The following METTL15 variants were observed in gnomAD, a reference collection of about 807,000 sequenced individuals.
METTL15 encodes the protein 12S rRNA N(4)-cytidine methyltransferase METTL15.
A neutral mutation model predicts 38.3 loss-of-function variants in METTL15; 34 were observed. The observed-to-expected ratio is 0.89, with a 90% CI of 0.68 to 1.18. The LOEUF (loss-of-function observed/expected upper bound fraction) is 1.18, where lower values mean the gene tolerates loss of function less well. Ranked by LOEUF, METTL15 falls within the 50% of genes most tolerant of loss-of-function variation. METTL15 has a pLI of 0.00. For synonymous variants in METTL15, 162 were observed against 170.9 expected (o/e 0.95, Z 0.41); for missense variants, 438 against 498.4 (o/e 0.88, Z 1.15).
At chr11:28,399,562 A>G (rs1021591956) in intron 5 of METTL15, among the ~76,000 whole-genome samples, 5 of 151,928 alleles carry the variant, frequency 3.3e-5, no homozygotes, top group Non-Finnish European at 7.4e-5. Flanking sequence ...ATATTAGAAT[A>G]TTAGCTAATT....
intron 4 of METTL15, among the ~76,000 whole-genome samples, chr11:28,358,013 G>T (rs1459308519): frequency 6.6e-6 from 1 of 152,020 alleles, no homozygotes; most frequent in Non-Finnish European, 1.5e-5. Context: ...TTTAAATAAG[G>T]TTTAAATCTG....
chr11:28,473,973 TC>T (rs1208216057), intron 6 of METTL15, among the ~76,000 whole-genome samples: 1 of 151,992 alleles, frequency 6.6e-6, no homozygotes, highest in African/African-American at 2.4e-5. Flanking sequence ...TATTTCCTCT[TC>T]ATGCTTCTAT....
chr11:28,196,956 A>G (rs1851931804), intron 3 of METTL15, among the ~76,000 whole-genome samples: 1 of 151,978 alleles, frequency 6.6e-6, no homozygotes, highest in Non-Finnish European at 1.5e-5. Flanking sequence ...ATAAAATTTT[A>G]AAGAGCAATA....
At chr11:28,254,442 A>C (rs1231560221) in intron 4 of METTL15, among the ~76,000 whole-genome samples, 1 of 151,964 alleles carries the variant, frequency 6.6e-6, no homozygotes, top group Non-Finnish European at 1.5e-5. Flanking sequence ...GTGTCTCTTC[A>C]CTTTATTGAT....
At chr11:28,390,180 C>T (rs1850487780) in intron 5 of METTL15, among the ~76,000 whole-genome samples, 1 of 151,754 alleles carries the variant, frequency 6.6e-6, no homozygotes, top group African/African-American at 2.4e-5. Flanking sequence ...CTGTAGGTTG[C>T]CTGTTCACTC....
intron 3 of METTL15, among the ~76,000 whole-genome samples, chr11:28,166,446 G>C (rs2133753234): frequency 6.6e-6 from 1 of 152,232 alleles, no homozygotes; most frequent in Non-Finnish European, 1.5e-5. Flanking sequence ...AGTAGAGTGA[G>C]GTACAGAATA....
chr11:28,263,075 C>T (rs1590232063), intron 4 of METTL15, among the ~76,000 whole-genome samples: 1 of 151,978 alleles, frequency 6.6e-6, no homozygotes, highest in East Asian at 1.9e-4. Context: ...CGCTTTACTT[C>T]ACTGACCTCT....
In METTL15 at chr11:28,207,006, G is replaced by C. The variant is rs1852373935; in HGVS notation, c.271-4056G>C. On this transcript the variant is annotated intron_variant, in intron 3 of 6. Transcript: ENST00000407364. Reference sequence around the variant, plus strand: ...TTGCTTATCAGCTTAAGGAGATTTTGGGCTGAGACGATGGGGTTTTCTAGA... The same window carrying C: ...TTGCTTATCAGCTTAAGGAGATTTTCGGCTGAGACGATGGGGTTTTCTAGA... Among the ~76,000 whole-genome samples, 3 of 124,460 alleles carry C rather than the reference G, an allele frequency of 2.4e-5. No homozygotes were observed. In the Admixed American group the frequency reaches 2.5e-4, roughly 11 times the overall value. 81.7% of individuals were successfully genotyped at this position (124,460 alleles called of 152,430 possible).
chr11:28,296,824 G>A lies in METTL15; in HGVS notation c.671G>A (p.Arg224Lys), dbSNP rs371440312. ...LDQQALASIL[R>K]TYGEEKHAKK... Reference sequence around the variant, plus strand: ...CAACAGGCACTTGCATCTATCCTAAGAACATACGGGGAGGAGAAGCATGCC... The same window carrying A: ...CAACAGGCACTTGCATCTATCCTAAAAACATACGGGGAGGAGAAGCATGCC... The change falls in exon 6 of 7, where the codon AGA becomes AAA. Residue 224 changes from arginine to lysine, a missense_variant. Physicochemically the swap from Arg to Lys is conservative, Grantham distance 26. Transcript: ENST00000407364. The A allele has an allele frequency of 6.2e-6, 10 of 1,613,392 alleles. No individual in the cohort carries two copies. The Admixed American group carries it at 6.7e-5, about 11-fold the overall frequency.
At chr11:28,203,497 G>A (rs1414338931) in intron 3 of METTL15, among the ~76,000 whole-genome samples, 1 of 152,012 alleles carries the variant, frequency 6.6e-6, no homozygotes, top group East Asian at 1.9e-4. Flanking sequence ...AAAACTTTTT[G>A]AAGAAACAAT....
chr11:28,257,287 T>G (rs373254392), intron 4 of METTL15, among the ~76,000 whole-genome samples: 106 of 152,358 alleles, frequency 7.0e-4, no homozygotes, highest in African/African-American at 2.4e-3. Flanking sequence ...GTTTTTTGCT[T>G]CTTTTCCTTT....
At chr11:28,400,968 C>A (rs374957097) in intron 5 of METTL15, among the ~76,000 whole-genome samples, 86 of 151,976 alleles carry the variant, frequency 5.7e-4, no homozygotes, top group African/African-American at 2.0e-3. Flanking sequence ...ATGTGGTGTA[C>A]AAAAATTCGT....
At chr11:28,286,827 G>A (rs1217226247) in intron 4 of METTL15, among the ~76,000 whole-genome samples, 1 of 151,742 alleles carries the variant, frequency 6.6e-6, no homozygotes, top group African/African-American at 2.4e-5. Context: ...TAGTACCTGA[G>A]ATATTATGTC....
intron 4 of METTL15, among the ~76,000 whole-genome samples, chr11:28,243,573 G>A (rs1417959097): frequency 6.6e-6 from 1 of 151,940 alleles, no homozygotes; most frequent in Non-Finnish European, 1.5e-5. Flanking sequence ...CCAATGTTGC[G>A]GCATTCAAAT....
intron 5 of METTL15, among the ~76,000 whole-genome samples, chr11:28,382,957 C>CT (rs34928420): frequency 6.9e-6 from 1 of 145,860 alleles, no homozygotes; most frequent in Admixed American, 6.8e-5. Flanking sequence ...TGGTGACAAT[C>CT]TTTTTTTTTT....
At chr11:28,149,325 A>C (rs1204198225) in intron 3 of METTL15, among the ~76,000 whole-genome samples, 2 of 151,866 alleles carry the variant, frequency 1.3e-5, no homozygotes, top group Non-Finnish European at 2.9e-5. Context: ...TGACAAAAAT[A>C]CTGGATTATG....
At chr11:28,525,361 A>T (rs1023406116) in intron 6 of METTL15, among the ~76,000 whole-genome samples, 1 of 152,152 alleles carries the variant, frequency 6.6e-6, no homozygotes, top group Admixed American at 6.5e-5. Flanking sequence ...TGAGCTAGAC[A>T]CAAAGGTTCT....
At chr11:28,346,275 A>G (rs963881615) in intron 3 of METTL15, among the ~76,000 whole-genome samples, 2 of 152,026 alleles carry the variant, frequency 1.3e-5, no homozygotes, top group Admixed American at 6.6e-5. Flanking sequence ...GTTTTTTTGA[A>G]TCTACACTGG....
Position 28,143,865 on chromosome 11 carries a change from T to G in METTL15, c.270+30261T>G, listed in dbSNP as rs545600780. ...GAAGATGAGCATAGAGGAGACTGAT[T>G]AGGATCTCTTTTGACATCTGACTGG... On this transcript the variant is annotated intron_variant, in intron 3 of 6. Coordinates refer to ENST00000407364, the MANE Select transcript of METTL15 (RefSeq NM_001113528.2). 4.6e-5 allele frequency among the ~76,000 whole-genome samples: 7 copies of G among 152,290 alleles called. No individual in the cohort carries two copies. In the East Asian group the frequency reaches 1.2e-3, roughly 25 times the overall value.
Sources: gnomAD v4.1 joint callset for allele counts (sites outside exome capture counted in the v4.1 genomes callset) on GRCh38, gnomAD v4.1.1 for gene constraint, MANE v1.5 for transcripts, NCBI Gene and HGNC (gene_info 2026-07-23, HGNC 2026-07-21) for gene names.